PDS5A: variants seen among roughly 807,000 people sequenced by gnomAD.
PDS5A encodes PDS5 cohesin associated factor A.
PDS5A carries 42 observed loss-of-function variants against 167.1 expected under a neutral mutation model. The ratio of observed to expected loss-of-function variants is 0.25; its 90% CI spans 0.20 to 0.33. The LOEUF is 0.33. PDS5A is among the 10% of genes least tolerant of loss of function. The pLI, the probability that PDS5A is intolerant of heterozygous loss-of-function variation, is 1.00. For synonymous variants in PDS5A, 553 were observed against 554.6 expected (o/e 1.00, Z 0.04); for missense variants, 1,033 against 1,605.9 (o/e 0.64, Z 6.10).
chr4:39,892,437 T>C (rs1329875969), intron 16 of PDS5A, among the ~76,000 whole-genome samples: 2 of 152,226 alleles, frequency 1.3e-5, no homozygotes, highest in East Asian at 1.9e-4. Flanking sequence ...ACTGAAAATA[T>C]AGCAGTCATT....
chr4:39,969,539 G>A lies in PDS5A; in HGVS notation c.138+6901C>T, dbSNP rs145942664. On this transcript the variant is annotated intron_variant, in intron 2 of 32. Transcript: ENST00000303538. The stretch of plus-strand genomic sequence containing the variant: ...AAGTTAGCCAGGCGTGGTGGTGGAT[G>A]CCTATAATCCCAGCTATTCAGGAGG... Among the ~76,000 whole-genome samples the A allele has an allele frequency of 5.9e-3, 895 of 152,182 alleles. 9 individuals carry two copies. The highest frequency in any genetic ancestry group is 0.02 in the African/African-American group (823 of 41,518).
intron 2 of PDS5A, among the ~76,000 whole-genome samples, chr4:39,938,736 C>T (rs919443895): frequency 3.3e-5 from 5 of 151,894 alleles, no homozygotes; most frequent in Non-Finnish European, 7.4e-5. Context: ...CTTTGGGAGG[C>T]TGAGGCCGAT....
chr4:39,959,099 C>T (rs926991054), intron 2 of PDS5A, among the ~76,000 whole-genome samples: 5 of 152,120 alleles, frequency 3.3e-5, no homozygotes, highest in African/African-American at 7.2e-5. Context: ...GAAACAAATG[C>T]AATCCAACCA....
intron 16 of PDS5A, 158 bp downstream of exon 16, chr4:39,898,229 TAA>T: frequency 7.7e-7 from 1 of 1,301,750 alleles, no homozygotes; most frequent in Non-Finnish European, 9.8e-7. Context: ...GAGTGAATGG[TAA>T]ATAGAGAATT....
intron 4 of PDS5A, 47 bp from the exon 5 acceptor site, chr4:39,925,980 A>G (rs762429217): frequency 5.3e-6 from 3 of 562,480 alleles, no homozygotes; most frequent in South Asian, 4.7e-5. Context: ...TATACAGAAT[A>G]GTTATATAAT....
At chr4:39,855,783 TACTC>T (rs1185879042) in intron 26 of PDS5A, among the ~76,000 whole-genome samples, 1 of 151,978 alleles carries the variant, frequency 6.6e-6, no homozygotes, top group Non-Finnish European at 1.5e-5. Flanking sequence ...CAATTGAAAA[TACTC>T]AGTCTGAACA....
At chr4:39,919,693 T>C (rs1481912321) in intron 7 of PDS5A, among the ~76,000 whole-genome samples, 1 of 152,016 alleles carries the variant, frequency 6.6e-6, no homozygotes, top group African/African-American at 2.4e-5. Flanking sequence ...GTTATAAATA[T>C]GAGCAAATGA....
At chr4:39,948,685 T>TG (rs1397741681) in intron 2 of PDS5A, among the ~76,000 whole-genome samples, 1 of 149,518 alleles carries the variant, frequency 6.7e-6, no homozygotes, top group African/African-American at 2.5e-5. Context: ...AGTGCAGTGG[T>TG]GCCATCTCAG....
At position 39,862,259 on chromosome 4, in the gene PDS5A, T is replaced by TA; in HGVS notation, c.3045dup (p.Thr1016TyrfsTer7). 6.5e-7 allele frequency: 1 copy of TA among 1,537,166 alleles called. No individual in the cohort carries two copies. Among genetic ancestry groups the TA allele is most frequent in the Non-Finnish European group, 8.8e-7 (1 of 1,133,582 alleles). On this transcript the variant is annotated frameshift_variant, in exon 26 of 33. Coordinates refer to ENST00000303538, the MANE Select transcript of PDS5A (RefSeq NM_001100399.2). LOFTEE classifies it high-confidence loss of function. ...AGCTGATCAACATCTTGTGATCTTG[T>TA]AAAATCTGGATCATGGGCTAGCAGG...
Position 39,842,067 on chromosome 4 carries a change from C to T in PDS5A, c.3549-11G>A, listed in dbSNP as rs1207515595. ...TCTGAACTCTGTTCCCTGTTTAAAA[C>T]AAATAAACCAAGACTTCATATTTCC... is the stretch of plus-strand genomic sequence containing the variant. On this transcript the variant is annotated splice_polypyrimidine_tract_variant and intron_variant, in intron 30 of 32. Transcript: ENST00000303538. 2.7e-6 allele frequency: 4 copies of T among 1,474,872 alleles called. No individual in the cohort carries two copies. The East Asian group carries it at 6.8e-5, about 25-fold the overall frequency. 91.4% of individuals were successfully genotyped at this position (1,474,872 alleles called of 1,614,324 possible). A position where few individuals can be genotyped will look rare whatever the true frequency, so the allele number is the denominator to read the frequency against.
intron 32 of PDS5A, among the ~76,000 whole-genome samples, chr4:39,835,676 C>T (rs1716321417): frequency 6.6e-6 from 1 of 152,194 alleles, no homozygotes. Context: ...GTGTGCACCA[C>T]CAAGCCCAGC....
intron 9 of PDS5A, among the ~76,000 whole-genome samples, chr4:39,911,395 CAA>C (rs140894540): frequency 1.8e-3 from 236 of 128,570 alleles, no homozygotes; most frequent in Admixed American, 2.6e-3. Context: ...GACTCCGTCT[CAA>C]AAAAAAAAAA....
At chr4:39,904,625 C>A (rs1435116407) in intron 11 of PDS5A, among the ~76,000 whole-genome samples, 1 of 152,244 alleles carries the variant, frequency 6.6e-6, no homozygotes, top group Admixed American at 6.5e-5. Flanking sequence ...AGCCACCGCG[C>A]CCAGCCTACA....
At chr4:39,825,581 A>T in intron 32 of PDS5A, 93 bp from the exon 33 acceptor site, 2 of 1,006,336 alleles carry the variant, frequency 2.0e-6, no homozygotes, top group South Asian at 3.6e-5. Context: ...TGTTATCTAA[A>T]ATCTTTTTTT....
intron 32 of PDS5A, among the ~76,000 whole-genome samples, chr4:39,828,082 T>C (rs1715478794): frequency 6.6e-6 from 1 of 152,236 alleles, no homozygotes. Context: ...TACTGTTGAC[T>C]GTTTCCTGAC....
intron 2 of PDS5A, among the ~76,000 whole-genome samples, chr4:39,946,533 C>A (rs1041032474): frequency 1.3e-5 from 2 of 151,946 alleles, no homozygotes; most frequent in African/African-American, 4.8e-5. Context: ...ACAAAACTGA[C>A]GACTTTTCAG....
intron 2 of PDS5A, among the ~76,000 whole-genome samples, chr4:39,954,583 A>G (rs1728735086): frequency 1.3e-5 from 2 of 150,888 alleles, no homozygotes; most frequent in Admixed American, 1.3e-4. Context: ...GGCCTCTCAA[A>G]GTGCTGGGAT....
Position 39,898,385 on chromosome 4 carries a change from T to G in PDS5A, c.1770+4A>C. On this transcript the variant is annotated splice_donor_region_variant and intron_variant, in intron 16 of 32. Coordinates refer to ENST00000303538, the MANE Select transcript of PDS5A (RefSeq NM_001100399.2). Reference sequence around the variant, plus strand: ...AGAAAAAGTGTGAAGTATGATTTACTAACCACACAAATATCTGCTTGTTTG... The same window carrying G: ...AGAAAAAGTGTGAAGTATGATTTACGAACCACACAAATATCTGCTTGTTTG... 6.4e-7 allele frequency: 1 copy of G among 1,554,052 alleles called. No homozygotes were observed. Among genetic ancestry groups the G allele is most frequent in the Non-Finnish European group, 8.7e-7 (1 of 1,150,368 alleles).
chr4:39,872,911 CAGA>C (rs1720172260), intron 21 of PDS5A, 72 bp downstream of exon 21: 1 of 713,890 alleles, frequency 1.4e-6, no homozygotes, highest in East Asian at 3.1e-5. Context: ...TACACAGAAA[CAGA>C]AGTGTTTCTG....
Sources: gnomAD v4.1 joint callset for allele counts (sites outside exome capture counted in the v4.1 genomes callset) on GRCh38, gnomAD v4.1.1 for gene constraint, MANE v1.5 for transcripts, NCBI Gene and HGNC (gene_info 2026-07-23, HGNC 2026-07-21) for gene names.